The following NISCH variants were observed in gnomAD, a reference collection of about 807,000 sequenced individuals.
NISCH encodes the protein nischarin.
Under a neutral mutation model 138.4 loss-of-function variants are expected in NISCH, and 55 were observed. The observed-to-expected ratio is 0.40, with a 90% CI of 0.32 to 0.50. The LOEUF (loss-of-function observed/expected upper bound fraction) is 0.50. Among genes scored for constraint, NISCH ranks in the 20% least tolerant of loss-of-function variants. NISCH has a pLI of 0.71. For missense variants in NISCH, 1,643 were observed against 2,005.5 expected, an observed-to-expected ratio of 0.82 and a Z score of 3.45; for synonymous variants, 860 against 861.5, an observed-to-expected ratio of 1.00 and a Z score of 0.03.
At chr3:52,459,733 C>T (rs1706578193) in intron 3 of NISCH, among the ~76,000 whole-genome samples, 1 of 151,760 alleles carries the variant, frequency 6.6e-6, no homozygotes, top group Non-Finnish European at 1.5e-5. Context: ...CGCACCTGGC[C>T]AAAACCACAA....
intron 11 of NISCH, among the ~76,000 whole-genome samples, chr3:52,479,070 C>T (rs1429042004): frequency 6.6e-6 from 1 of 152,150 alleles, no homozygotes; most frequent in Non-Finnish European, 1.5e-5. Flanking sequence ...TCAGAAAATA[C>T]CTGGAAGTCT....
chr3:52,487,503 G>A lies in NISCH; in HGVS notation c.2011G>A (p.Gly671Arg). ...GGAGGAGGAGGAGGGAGGAGGCCAG[G>A]GGGAGGAAGAGGAGGAGGAAGAGGA... is the stretch of plus-strand genomic sequence containing the variant. ...DVEEEEGGGQGEEEEEEEEDE... is the reference protein window; with the variant it reads ...DVEEEEGGGQREEEEEEEEDE... Residue 671 changes from glycine (G) to arginine (R), a missense_variant, in exon 16 of 21, where the codon GGG (glycine) becomes AGG (arginine). Gly to Arg is a moderately radical substitution (Grantham distance 125). Coordinates refer to ENST00000345716, the MANE Select transcript of NISCH (RefSeq NM_007184.4). This position sits in a 1 kb window ranked among gnomAD's most constrained non-coding sequence, Gnocchi z 9.1. The A allele has an allele frequency of 1.2e-6, 2 of 1,604,186 alleles. No homozygotes were observed. The highest frequency in any genetic ancestry group is 1.1e-5 in the South Asian group (1 of 89,996).
At chr3:52,472,050 C>T in intron 5 of NISCH, 73 bp downstream of exon 5, 1 of 1,469,652 alleles carries the variant, frequency 6.8e-7, no homozygotes, top group Non-Finnish European at 9.2e-7. Flanking sequence ...GACTGGCTGG[C>T]AGTTTGTGTG....
intron 8 of NISCH, among the ~76,000 whole-genome samples, chr3:52,476,935 T>A (rs1559633207): frequency 1.3e-5 from 2 of 152,098 alleles, no homozygotes; most frequent in African/African-American, 4.8e-5. Flanking sequence ...TTTGGGAGGC[T>A]TAGGCAGGAG....
In NISCH at chr3:52,487,338, C is replaced by G; in HGVS notation, c.1846C>G (p.Arg616Gly). ...CACACTGATCCGGCAGGCCATCGAG[C>G]GGCAGCTGCCTGCCTGGATCGAGGC... ...LSTLIRQAIERQLPAWIEAAN... is the reference protein window; with the variant it reads ...LSTLIRQAIEGQLPAWIEAAN... Residue 616 changes from arginine (R) to glycine (G), a missense_variant, in exon 16 of 21, where the codon CGG (arginine) becomes GGG (glycine). Coordinates refer to ENST00000345716, the MANE Select transcript of NISCH (RefSeq NM_007184.4). The surrounding 1 kb of genome is among the most constrained non-coding windows in gnomAD (Gnocchi z 9.1). 1 of 1,613,880 alleles carries G rather than the reference C, an allele frequency of 6.2e-7. No homozygotes were observed. The highest frequency in any genetic ancestry group is 1.1e-5 in the South Asian group (1 of 91,086).
intron 19 of NISCH, among the ~76,000 whole-genome samples, chr3:52,491,038 G>T (rs1707548142): frequency 6.6e-6 from 1 of 152,278 alleles, no homozygotes; most frequent in African/African-American, 2.4e-5. Context: ...GAGGTAGGGT[G>T]TGCGGCAAGC....
intron 18 of NISCH, 140 bp from the exon 19 acceptor site, chr3:52,490,565 A>C: frequency 8.4e-7 from 1 of 1,189,662 alleles, no homozygotes; most frequent in Non-Finnish European, 1.2e-6. Flanking sequence ...CTCCGACTCC[A>C]GAGGGCATTG....
At position 52,477,557 on chromosome 3, in the gene NISCH, T is replaced by C. The variant is rs1425503967; in HGVS notation, c.919-17T>C. On this transcript the variant is annotated splice_polypyrimidine_tract_variant and intron_variant, in intron 8 of 20. Transcript: ENST00000345716. ...CAGCCCCCTACAGTAACATCGGGTGTTCTTTTCTTTCACAAGAAACTGATC... is the reference window on the plus strand; with the variant it reads ...CAGCCCCCTACAGTAACATCGGGTGCTCTTTTCTTTCACAAGAAACTGATC... 2 of 1,611,246 alleles carry C rather than the reference T, an allele frequency of 1.2e-6. No individual in the cohort carries two copies. Among genetic ancestry groups the C allele is most frequent in the East Asian group, 2.2e-5 (1 of 44,874 alleles).
chr3:52,473,157 G>A (rs928220341), intron 6 of NISCH, among the ~76,000 whole-genome samples: 4 of 152,234 alleles, frequency 2.6e-5, no homozygotes, highest in African/African-American at 7.2e-5. Context: ...GGGCTGTTCC[G>A]TCTACAGTGG....
chr3:52,483,443 A>G (rs906871163), intron 13 of NISCH, among the ~76,000 whole-genome samples: 1 of 152,338 alleles, frequency 6.6e-6, no homozygotes, highest in Admixed American at 6.5e-5. Context: ...AGTCAGGAAC[A>G]TGTTCACAAA....
intron 3 of NISCH, among the ~76,000 whole-genome samples, chr3:52,468,390 G>A (rs866212152): frequency 4.6e-5 from 7 of 152,200 alleles, no homozygotes; most frequent in South Asian, 4.1e-4. Context: ...ATTGAGGTGG[G>A]CAGAGATTGG....
At chr3:52,489,079 G>A (rs1156974664) in intron 16 of NISCH, among the ~76,000 whole-genome samples, 1 of 152,170 alleles carries the variant, frequency 6.6e-6, no homozygotes, top group Admixed American at 6.5e-5. Flanking sequence ...TCAACATCTT[G>A]CTGTGTTGTT....
chr3:52,472,567 G>T (rs1429507759), intron 6 of NISCH, among the ~76,000 whole-genome samples, 169 bp downstream of exon 6: 1 of 152,230 alleles, frequency 6.6e-6, no homozygotes, highest in East Asian at 1.9e-4. Flanking sequence ...AGAAAGAGAG[G>T]CCTCTCCTGT....
At chr3:52,486,191 C>T (rs1707398753) in intron 15 of NISCH, among the ~76,000 whole-genome samples, 1 of 152,030 alleles carries the variant, frequency 6.6e-6, no homozygotes, top group Non-Finnish European at 1.5e-5. Flanking sequence ...CTCACTGCAA[C>T]CCCCGCCTCC....
Position 52,492,066 on chromosome 3 carries a change from C to A in NISCH, c.4099C>A (p.Pro1367Thr), listed in dbSNP as rs1164102207. The change falls in exon 21 of 21, where the codon CCC becomes ACC. Residue 1367 changes from proline to threonine, a missense_variant. Pro to Thr is a conservative substitution (Grantham distance 38). Coordinates refer to ENST00000345716, the MANE Select transcript of NISCH (RefSeq NM_007184.4). ...GCCACCCCCTGGGTGCTGCAGGGGC[C>A]CCCTGCGCCCCAAGACACTCCTGCT... ...GMPPPGCCRG[P>T]LRPKTLLLTS... The A allele has an allele frequency of 6.2e-7, 1 of 1,613,092 alleles. No homozygotes were observed. The highest frequency in any genetic ancestry group is 1.7e-5 in the Admixed American group (1 of 60,028).
At chr3:52,455,848 T>C (rs1160461899) in intron 1 of NISCH, 114 bp downstream of exon 1, 8 of 721,706 alleles carry the variant, frequency 1.1e-5, no homozygotes, top group Non-Finnish European at 1.5e-5. Flanking sequence ...GGTAGAAGGG[T>C]CTGCGATTGC....
intron 11 of NISCH, among the ~76,000 whole-genome samples, chr3:52,479,381 C>T (rs1160048819): frequency 6.6e-6 from 1 of 152,184 alleles, no homozygotes; most frequent in Non-Finnish European, 1.5e-5. Context: ...GTCTGCCTCC[C>T]ACCTCTAACT....
intron 3 of NISCH, among the ~76,000 whole-genome samples, chr3:52,469,655 T>C (rs1706884659): frequency 6.6e-6 from 1 of 152,164 alleles, no homozygotes; most frequent in South Asian, 2.1e-4. Context: ...GGCTCATGCC[T>C]GTAATCCTGG....
Position 52,491,418 on chromosome 3 carries a change from A to C in NISCH, c.3809A>C (p.Gln1270Pro), listed in dbSNP as rs760751445. 6.8e-6 allele frequency: 11 copies of C among 1,613,402 alleles called. No individual in the cohort carries two copies. Among genetic ancestry groups the C allele is most frequent in the Non-Finnish European group, 9.3e-6 (11 of 1,179,966 alleles). Reference protein sequence around the residue: ...RDSYLTHCFLQHLMVVLSSLE... With the variant: ...RDSYLTHCFLPHLMVVLSSLE... ...AGCTACCTGACGCACTGCTTCCTCC[A>C]GCACCTCATGGTCGTGCTGTCCTCT... The change falls in exon 20 of 21, where the codon CAG becomes CCG. Residue 1270 changes from glutamine (Q) to proline (P), a missense_variant. Transcript: ENST00000345716.
Sources: gnomAD v4.1 joint callset for allele counts (sites outside exome capture counted in the v4.1 genomes callset) on GRCh38, gnomAD v4.1.1 for gene constraint, Gnocchi (gnomAD v3.1) non-coding constraint, MANE v1.5 for transcripts, NCBI Gene and HGNC (gene_info 2026-07-23, HGNC 2026-07-21) for gene names.